RMST: variants seen among roughly 807,000 people sequenced by gnomAD.
RMST encodes the protein rhabdomyosarcoma 2 associated transcript, also known as long intergenic non-protein coding RNA 54.
chr12:97,485,320 A>G (rs1875957829), intron 5 of RMST, among the ~76,000 whole-genome samples: 1 of 152,142 alleles, frequency 6.6e-6, no homozygotes, highest in African/African-American at 2.4e-5. Context: ...AAAAGTATTA[A>G]TTTATGTCTA....
chr12:97,536,911 G>A (rs1402129532), intron 11 of RMST, among the ~76,000 whole-genome samples: 1 of 151,334 alleles, frequency 6.6e-6, no homozygotes, highest in East Asian at 1.9e-4. Context: ...TCACAACAAT[G>A]AAACTAGTTT....
At chr12:97,509,623 C>T (rs1019086046) in intron 10 of RMST, among the ~76,000 whole-genome samples, 1 of 152,080 alleles carries the variant, frequency 6.6e-6, no homozygotes, top group African/African-American at 2.4e-5. Flanking sequence ...TCCCCTGACC[C>T]TTCTCCTCCC....
intron 11 of RMST, among the ~76,000 whole-genome samples, chr12:97,539,798 T>G (rs1006292230): frequency 2.6e-5 from 4 of 151,532 alleles, no homozygotes; most frequent in Non-Finnish European, 5.9e-5. Context: ...TGAATTGTCT[T>G]TAGGCAAATC....
intron 10 of RMST, among the ~76,000 whole-genome samples, chr12:97,525,955 C>T (rs749276888): frequency 6.6e-6 from 1 of 151,964 alleles, no homozygotes; most frequent in Non-Finnish European, 1.5e-5. Context: ...ACTGTGCATG[C>T]GAGTGATCTG....
intron 10 of RMST, among the ~76,000 whole-genome samples, chr12:97,525,853 A>G (rs770261988): frequency 6.6e-6 from 1 of 152,168 alleles, no homozygotes; most frequent in Non-Finnish European, 1.5e-5. Flanking sequence ...ATTTACAGCC[A>G]GTCAAAATCA....
chr12:97,490,395 CTA>C (rs1876652781), intron 5 of RMST, among the ~76,000 whole-genome samples: 1 of 152,210 alleles, frequency 6.6e-6, no homozygotes, highest in Non-Finnish European at 1.5e-5. Flanking sequence ...CATTTACTAA[CTA>C]TGGGATCCAG....
At chr12:97,539,890 G>T (rs1882368618) in intron 11 of RMST, among the ~76,000 whole-genome samples, 1 of 151,520 alleles carries the variant, frequency 6.6e-6, no homozygotes, top group South Asian at 2.1e-4. Context: ...TATCATTTGT[G>T]CCCAAGGTTC....
chr12:97,518,278 G>A (rs895099086), intron 10 of RMST, among the ~76,000 whole-genome samples: 1 of 152,080 alleles, frequency 6.6e-6, no homozygotes, highest in Non-Finnish European at 1.5e-5. Context: ...GTTTTTAAGA[G>A]AACTGAAACT....
At chr12:97,507,037 G>A (rs529391445) in intron 10 of RMST, among the ~76,000 whole-genome samples, 2 of 152,182 alleles carry the variant, frequency 1.3e-5, no homozygotes, top group South Asian at 4.1e-4. Context: ...CCACAGTTAT[G>A]TTGGGAATTT....
At chr12:97,552,699 TTTG>T (rs1592793420) in intron 11 of RMST, among the ~76,000 whole-genome samples, 2 of 152,178 alleles carry the variant, frequency 1.3e-5, no homozygotes, top group African/African-American at 2.4e-5. Flanking sequence ...CCCTTTCTAT[TTTG>T]TTGTTGTTGT....
chr12:97,491,960 C>T (rs1168105946), intron 5 of RMST: 1 of 533,784 alleles, frequency 1.9e-6, no homozygotes, highest in South Asian at 1.4e-5. Context: ...GCGCTTTGCT[C>T]AGCCAGTGTA....
At chr12:97,478,064 T>A (rs1371921157) in intron 5 of RMST, among the ~76,000 whole-genome samples, 1 of 152,244 alleles carries the variant, frequency 6.6e-6, no homozygotes, top group Non-Finnish European at 1.5e-5. Flanking sequence ...TCTTTGCTTT[T>A]GGAGACAGTG....
intron 11 of RMST, among the ~76,000 whole-genome samples, chr12:97,554,165 G>T (rs1231320422): frequency 6.6e-6 from 1 of 151,724 alleles, no homozygotes; most frequent in Admixed American, 6.6e-5. Flanking sequence ...TGTTGGTCAT[G>T]CTGGTCTTGA....
At chr12:97,542,971 C>T (rs1465541652) in intron 11 of RMST, among the ~76,000 whole-genome samples, 1 of 151,970 alleles carries the variant, frequency 6.6e-6, no homozygotes, top group Admixed American at 6.6e-5. Flanking sequence ...CTTTTGAAAA[C>T]ACACCTCGTA....
intron 10 of RMST, among the ~76,000 whole-genome samples, chr12:97,506,793 C>T (rs1211762747): frequency 3.4e-5 from 5 of 148,780 alleles, no homozygotes; most frequent in African/African-American, 1.2e-4. Flanking sequence ...AAGCAATTCT[C>T]CTGCCTCAGC....
chr12:97,482,481 A>G (rs1875429317), intron 5 of RMST, among the ~76,000 whole-genome samples: 1 of 151,898 alleles, frequency 6.6e-6, no homozygotes, highest in East Asian at 1.9e-4. Context: ...TTGATTTTCG[A>G]CATCATGGAA....
exon 14 of RMST, chr12:97,564,538 T>C (rs1884390011): frequency 6.6e-6 from 1 of 152,314 alleles, no homozygotes; most frequent in Non-Finnish European, 1.5e-5. Context: ...TCTTTCCTTA[T>C]CTTTAAAATG....
intron 5 of RMST, chr12:97,483,368 T>C (rs1236255611): frequency 1.3e-5 from 2 of 152,174 alleles, no homozygotes; most frequent in Non-Finnish European, 2.9e-5. Context: ...AGAAGGAACA[T>C]TCTTTTTGTG....
At chr12:97,476,803 GAT>G (rs1316227943) in intron 5 of RMST, among the ~76,000 whole-genome samples, 4 of 152,054 alleles carry the variant, frequency 2.6e-5, no homozygotes, top group Non-Finnish European at 5.9e-5. Flanking sequence ...TAAAAAAAGA[GAT>G]ATAGATATAA....
Sources: allele counts gnomAD v4.1 joint callset (sites outside exome capture counted in the v4.1 genomes callset), GRCh38; gene constraint gnomAD v4.1.1; transcripts MANE v1.5; gene names NCBI Gene and HGNC (gene_info 2026-07-23, HGNC 2026-07-21).